Variants in WDPCP observed in about 807,000 individuals in gnomAD.
The protein encoded by WDPCP is WD repeat containing planar cell polarity effector.
WDPCP carries 71 observed loss-of-function variants against 93.1 expected under a neutral mutation model. That is an observed-to-expected ratio of 0.76 (90% CI 0.63 to 0.93). WDPCP has a LOEUF of 0.93. Among genes scored for constraint, WDPCP ranks in the 40% least tolerant of loss-of-function variants. The probability of loss-of-function intolerance (pLI) is 0.00; values close to 1 mark genes in which losing one functional copy is unlikely to be tolerated. For missense variants in WDPCP, 844 were observed against 887.4 expected, an observed-to-expected ratio of 0.95 and a Z score of 0.62; for synonymous variants, 315 against 315.0, an observed-to-expected ratio of 1.00 and a Z score of 0.00.
intron 1 of WDPCP, among the ~76,000 whole-genome samples, chr2:63,548,830 C>T (rs2106342551): frequency 6.6e-6 from 1 of 151,566 alleles, no homozygotes; most frequent in South Asian, 2.1e-4. Flanking sequence ...TAGAACTCAA[C>T]CAAAAAATAA....
At chr2:63,518,780 G>A (rs1240822265) in intron 1 of WDPCP, 1 of 152,396 alleles carries the variant, frequency 6.6e-6, no homozygotes, top group Admixed American at 6.5e-5. Flanking sequence ...TGCAGCCTTG[G>A]ATACCCCACT....
At chr2:63,231,789 C>G (rs1301901294) in intron 14 of WDPCP, among the ~76,000 whole-genome samples, 2 of 152,164 alleles carry the variant, frequency 1.3e-5, no homozygotes, top group African/African-American at 2.4e-5. Flanking sequence ...CCATCCCCAT[C>G]AAGCTACCAT....
intron 2 of WDPCP, among the ~76,000 whole-genome samples, chr2:63,720,746 C>G (rs2103786016): frequency 6.6e-6 from 1 of 152,304 alleles, no homozygotes; most frequent in African/African-American, 2.4e-5. Context: ...TTGGGAATTT[C>G]TGCTAGGGAT....
chr2:63,213,033 G>A (rs561760876), intron 14 of WDPCP, among the ~76,000 whole-genome samples: 2 of 152,150 alleles, frequency 1.3e-5, no homozygotes, highest in East Asian at 1.9e-4. Flanking sequence ...GGGAGACTCA[G>A]ACACCCCACT....
intron 6 of WDPCP, among the ~76,000 whole-genome samples, chr2:63,470,711 C>T (rs1001657648): frequency 3.9e-5 from 6 of 152,144 alleles, no homozygotes; most frequent in Non-Finnish European, 7.4e-5. Flanking sequence ...TCTTCAAGAG[C>T]TTCTCTTCTC....
chr2:63,140,190 G>A (rs893796396), intron 17 of WDPCP, among the ~76,000 whole-genome samples: 2 of 152,082 alleles, frequency 1.3e-5, no homozygotes, highest in Non-Finnish European at 1.5e-5. Context: ...TTTTATACCA[G>A]TACCATGCTG....
chr2:63,752,557 A>T (rs1558902119), intron 2 of WDPCP: 1 of 664,052 alleles, frequency 1.5e-6, no homozygotes, highest in East Asian at 2.7e-5. Context: ...TCAGCCTCTC[A>T]TCAGTTGTTT....
intron 2 of WDPCP, among the ~76,000 whole-genome samples, chr2:63,681,872 G>A (rs1290864000): frequency 6.6e-6 from 1 of 152,138 alleles, no homozygotes; most frequent in East Asian, 1.9e-4. Flanking sequence ...AGAAAGTAAA[G>A]GAAGAGAACA....
chr2:63,533,492 G>C (rs1166247355), intron 1 of WDPCP, among the ~76,000 whole-genome samples: 3 of 152,134 alleles, frequency 2.0e-5, no homozygotes, highest in Admixed American at 1.3e-4. Context: ...TAAAAGAACA[G>C]AAATTATAAC....
intron 1 of WDPCP, chr2:63,518,208 T>C (rs1002129529): frequency 6.6e-6 from 1 of 152,128 alleles, no homozygotes; most frequent in Non-Finnish European, 1.5e-5. Context: ...TTTTAAAAAA[T>C]TATATTTTTA....
upstream of WDPCP, among the ~76,000 whole-genome samples, chr2:63,828,791 G>GT: frequency 6.6e-6 from 1 of 152,202 alleles, no homozygotes; most frequent in Non-Finnish European, 1.5e-5. Context: ...GGATTCTAAT[G>GT]TTTTAAACTC....
intron 6 of WDPCP, among the ~76,000 whole-genome samples, chr2:63,478,438 G>T (rs1700087114): frequency 6.6e-6 from 1 of 151,946 alleles, no homozygotes; most frequent in African/African-American, 2.4e-5. Context: ...CATAGAATAG[G>T]CCACAAAACA....
At chr2:63,345,596 C>T (rs896109872) in intron 12 of WDPCP, among the ~76,000 whole-genome samples, 2 of 152,102 alleles carry the variant, frequency 1.3e-5, no homozygotes, top group African/African-American at 4.8e-5. Flanking sequence ...GAAGGGCAGA[C>T]ATAGTAGACA....
intron 10 of WDPCP, among the ~76,000 whole-genome samples, chr2:63,395,154 A>G (rs1254548721): frequency 6.6e-6 from 1 of 152,228 alleles, no homozygotes; most frequent in African/African-American, 2.4e-5. Flanking sequence ...GAGCAAAAGT[A>G]CCAAGACACA....
intron 13 of WDPCP, among the ~76,000 whole-genome samples, chr2:63,261,891 A>G (rs537576943): frequency 6.6e-6 from 1 of 152,204 alleles, no homozygotes; most frequent in Non-Finnish European, 1.5e-5. Context: ...ATGATGGGAC[A>G]GTGTCCAAGA....
At chr2:63,727,110 C>T (rs1423121365) in intron 2 of WDPCP, among the ~76,000 whole-genome samples, 2 of 152,126 alleles carry the variant, frequency 1.3e-5, no homozygotes, top group Admixed American at 6.5e-5. Flanking sequence ...GAATGGGCAT[C>T]CTTGTTTTGT....
chr2:63,472,939 T>C (rs532283601), intron 6 of WDPCP, among the ~76,000 whole-genome samples: 1 of 152,358 alleles, frequency 6.6e-6, no homozygotes, highest in African/African-American at 2.4e-5. Context: ...TGGATACACA[T>C]TTTAATTCTC....
At chr2:63,158,957 T>A (rs1404048855) in intron 15 of WDPCP, among the ~76,000 whole-genome samples, 1 of 91,778 alleles carries the variant, frequency 1.1e-5, no homozygotes. Context: ...GGTAACATGG[T>A]AAAACCTCAT....
intron 1 of WDPCP, among the ~76,000 whole-genome samples, chr2:63,569,922 G>A (rs1434883158): frequency 6.6e-6 from 1 of 152,152 alleles, no homozygotes; most frequent in African/African-American, 2.4e-5. Context: ...TTTGAACCCT[G>A]AGTACCTATA....
Sources: gnomAD v4.1 joint callset for allele counts (sites outside exome capture counted in the v4.1 genomes callset) on GRCh38, gnomAD v4.1.1 for gene constraint, MANE v1.5 for transcripts, NCBI Gene and HGNC (gene_info 2026-07-23, HGNC 2026-07-21) for gene names.